The following USP24 variants were observed in gnomAD, a reference collection of about 807,000 sequenced individuals.
USP24 encodes ubiquitin specific peptidase 24, also known as ubiquitin carboxyl-terminal hydrolase 24.
USP24 carries 97 observed loss-of-function variants against 361.6 expected under a neutral mutation model. The ratio of observed to expected loss-of-function variants is 0.27; its 90% CI spans 0.23 to 0.32. The LOEUF is 0.32. Among genes scored for constraint, USP24 ranks in the 10% least tolerant of loss-of-function variants. The pLI is 1.00. For missense variants in USP24, 2,353 were observed against 3,165.6 expected (o/e 0.74, Z 6.16); for synonymous variants, 1,098 against 1,124.6 (o/e 0.98, Z 0.47).
At chr1:55,083,436 A>C in intron 57 of USP24, 72 bp from the exon 58 acceptor site, 1 of 1,435,068 alleles carries the variant, frequency 7.0e-7, no homozygotes. Context: ...AACACAGCTA[A>C]ATGGAAAGTT....
At chr1:55,141,826 T>C (rs1646897456) in intron 23 of USP24, 95 bp from the exon 24 acceptor site, 1 of 1,067,772 alleles carries the variant, frequency 9.4e-7, no homozygotes, top group Non-Finnish European at 1.4e-6. Flanking sequence ...CAGAGGGCTG[T>C]CCTGGGCATT....
At chr1:55,071,146 T>A (rs763191769) in intron 67 of USP24, 77 of 985,112 alleles carry the variant, frequency 7.8e-5, no homozygotes, top group Non-Finnish European at 9.3e-5. Flanking sequence ...ACCTACTACA[T>A]CAGTAACATT....
Position 55,191,944 on chromosome 1 carries a change from A to G in USP24, c.325-13812T>C, listed in dbSNP as rs546446779. Among the ~76,000 whole-genome samples the G allele has an allele frequency of 1.1e-4, 17 of 152,316 alleles. No individual in the cohort carries two copies. In the South Asian group the frequency reaches 2.9e-3, roughly 26 times the overall value. On this transcript the variant is annotated intron_variant, in intron 1 of 67. Coordinates refer to ENST00000294383, the MANE Select transcript of USP24 (RefSeq NM_015306.3). ...TACCTTTCTGCATCCTACCTTTCAT[A>G]TTGCAAATTTTAGTTAGACATGTTT... is the stretch of plus-strand genomic sequence containing the variant.
At chr1:55,146,140 C>T in intron 19 of USP24, 31 bp from the exon 20 acceptor site, 13 of 1,525,232 alleles carry the variant, frequency 8.5e-6, no homozygotes, top group Non-Finnish European at 1.2e-5. Flanking sequence ...CACCCTATAA[C>T]TAAGATCCAT....
intron 7 of USP24, among the ~76,000 whole-genome samples, chr1:55,162,658 T>C (rs1198975637): frequency 6.6e-6 from 1 of 152,030 alleles, no homozygotes; most frequent in East Asian, 1.9e-4. Context: ...TAAAATACAT[T>C]AAAGCAGCCC....
At chr1:55,077,669 T>C (rs2100412072) in intron 61 of USP24, among the ~76,000 whole-genome samples, 1 of 152,296 alleles carries the variant, frequency 6.6e-6, no homozygotes, top group Admixed American at 6.5e-5. Flanking sequence ...GAGTTAAGGA[T>C]GCTATGAACA....
chr1:55,107,548 A>G, intron 39 of USP24, 118 bp from the exon 40 acceptor site: 2 of 1,234,672 alleles, frequency 1.6e-6, no homozygotes, highest in South Asian at 3.4e-5. Context: ...AGATCTTTAA[A>G]AAACTATCAT....
At chr1:55,113,797 C>T (rs188752932) in intron 38 of USP24, among the ~76,000 whole-genome samples, 153 of 152,272 alleles carry the variant, frequency 1.0e-3, no homozygotes, top group Non-Finnish European at 1.7e-3. Flanking sequence ...AACCCACAGC[C>T]AATATCATAC....
At chr1:55,123,333 C>T (rs775991377) in intron 36 of USP24, 114 bp downstream of exon 36, 28 of 1,255,728 alleles carry the variant, frequency 2.2e-5, no homozygotes, top group Non-Finnish European at 2.8e-5. Context: ...GCCAACTTCC[C>T]GCCTTTTTCA....
intron 2 of USP24, among the ~76,000 whole-genome samples, chr1:55,176,872 G>C (rs1399420677): frequency 4.6e-5 from 7 of 151,948 alleles, no homozygotes; most frequent in Admixed American, 2.6e-4. Flanking sequence ...GAGGCAAGAG[G>C]ATCACTTGAG....
In USP24 at chr1:55,072,391, A is replaced by C; in HGVS notation, c.7615T>G (p.Tyr2539Asp). Residue 2539 changes from tyrosine (Y) to aspartate (D), a missense_variant, in exon 66 of 68, where the codon TAC (tyrosine) becomes GAC (aspartate). Coordinates refer to ENST00000294383, the MANE Select transcript of USP24 (RefSeq NM_015306.3). ...QWLQKKMSEH[Y>D]WTPQSNVSNE... ...GAGACATTACTCTGTGGTGTCCAGT[A>C]ATGTTCTGACATCTGAGATGAAAGG... is the stretch of plus-strand genomic sequence containing the variant. The C allele has an allele frequency of 6.2e-7, 1 of 1,613,288 alleles. No individual in the cohort carries two copies. Among genetic ancestry groups the C allele is most frequent in the Non-Finnish European group, 8.5e-7 (1 of 1,179,688 alleles).
chr1:55,201,655 G>A (rs1277470506), intron 1 of USP24, among the ~76,000 whole-genome samples: 3 of 136,290 alleles, frequency 2.2e-5, no homozygotes, highest in African/African-American at 8.1e-5. Flanking sequence ...GGTGACAAAG[G>A]AACAATGCCA....
rs1193450193 is a variant in USP24, at chr1:55,095,281, T to C, written c.6177A>G (p.Val2059=). The change falls in exon 51 of 68, where the codon GTA becomes GTG. Residue 2059 remains valine (V), a synonymous_variant. Transcript: ENST00000294383. The part of the protein sequence containing the change: ...VLPKKSRVSV[V]RQEAEDLSLS... ...GAGAGAGATCCTCAGCTTCCTGCCG[T>C]ACAACGCTGACTCGACTTTTCTTTG... is the stretch of plus-strand genomic sequence containing the variant. The C allele has an allele frequency of 6.2e-7, 1 of 1,613,740 alleles. No homozygotes were observed. Among genetic ancestry groups the C allele is most frequent in the Admixed American group, 1.7e-5 (1 of 60,000 alleles).
rs1394175115 is a variant in USP24, at chr1:55,079,647, A to G, written c.7091T>C (p.Phe2364Ser). The change falls in exon 60 of 68, where the codon TTT (phenylalanine) becomes TCT (serine). Residue 2364 changes from phenylalanine to serine, a missense_variant. By Grantham distance (155) the Phe-to-Ser change is radical (BLOSUM62 -2). Around this residue, in one of 8 missense-constraint regions of USP24, gnomAD observed 598 missense variants for 761.9 expected, o/e 0.78. Transcript: ENST00000294383. ...SSQRNVAPGI[F>S]KQRPPISIAP... ...AATGCTAATGGGTGGTCGTTGCTTA[A>G]ATATGCCAGGAGCTTTAGGAGACCA... 1 of 1,538,188 alleles carries G rather than the reference A, an allele frequency of 6.5e-7. No individual in the cohort carries two copies. The highest frequency in any genetic ancestry group is 8.7e-7 in the Non-Finnish European group (1 of 1,153,504).
At chr1:55,134,808 T>C (rs1403739118) in intron 28 of USP24, among the ~76,000 whole-genome samples, 1 of 152,230 alleles carries the variant, frequency 6.6e-6, no homozygotes, top group African/African-American at 2.4e-5. Context: ...TGTGTTTATG[T>C]ATCGACATTC....
chr1:55,203,563 T>C (rs1644632352), intron 1 of USP24, among the ~76,000 whole-genome samples: 1 of 152,368 alleles, frequency 6.6e-6, no homozygotes, highest in Non-Finnish European at 1.5e-5. Flanking sequence ...ATGAAGTATA[T>C]CTTGCTAAGT....
At chr1:55,147,624 G>A in intron 18 of USP24, 25 bp downstream of exon 18, 1 of 1,561,036 alleles carries the variant, frequency 6.4e-7, no homozygotes, top group South Asian at 1.2e-5. Context: ...TGTAAATCAT[G>A]AAGCAAAAAC....
intron 7 of USP24, 127 bp downstream of exon 7, chr1:55,165,758 C>A: frequency 1.5e-6 from 1 of 667,026 alleles, no homozygotes; most frequent in South Asian, 5.0e-5. Context: ...ACCGTGGAAT[C>A]TGCTCCTCTA....
chr1:55,124,670 A>G, intron 34 of USP24, 42 bp from the exon 35 acceptor site: 1 of 1,604,440 alleles, frequency 6.2e-7, no homozygotes, highest in Admixed American at 1.7e-5. Context: ...GCAATACTTG[A>G]ACACATGCCC....
Sources: gnomAD v4.1 joint callset for allele counts (sites outside exome capture counted in the v4.1 genomes callset) on GRCh38, gnomAD v4.1.1 for gene constraint, gnomAD v4.1.1 regional missense constraint, MANE v1.5 for transcripts, NCBI Gene and HGNC (gene_info 2026-07-23, HGNC 2026-07-21) for gene names.